The following SCN8A variants were observed in gnomAD, a reference collection of about 807,000 sequenced individuals.
SCN8A encodes sodium voltage-gated channel alpha subunit 8.
In SCN8A, 30 loss-of-function variants were observed where a neutral mutation model predicts 184.1. The ratio of observed to expected loss-of-function variants is 0.16; its 90% confidence interval spans 0.12 to 0.22. The LOEUF is 0.22. SCN8A is among the 10% of genes least tolerant of loss of function. The pLI, the probability that SCN8A is intolerant of heterozygous loss-of-function variation, is 1.00. For synonymous variants in SCN8A, 852 were observed against 907.0 expected (o/e 0.94, Z 1.09); for missense variants, 1,057 against 2,498.9 (o/e 0.42, Z 12.30).
intron 2 of SCN8A, among the ~76,000 whole-genome samples, chr12:51,679,100 A>T (rs1941279734): frequency 6.6e-6 from 1 of 150,856 alleles, no homozygotes; most frequent in African/African-American, 2.4e-5. Context: ...AAATAAAAAA[A>T]AATAAAGCTA....
intron 1 of SCN8A, among the ~76,000 whole-genome samples, chr12:51,608,709 G>T (rs998534446): frequency 6.6e-6 from 1 of 151,862 alleles, no homozygotes; most frequent in East Asian, 1.9e-4. Context: ...TTTCATTTTT[G>T]TATTTTTTTT....
chr12:51,642,924 A>G (rs1221218792), intron 1 of SCN8A, among the ~76,000 whole-genome samples: 1 of 152,030 alleles, frequency 6.6e-6, no homozygotes, highest in Non-Finnish European at 1.5e-5. Context: ...TCAGCAAATG[A>G]AGAGCAAAAA....
intron 5 of SCN8A, 93 bp downstream of exon 5, chr12:51,687,312 C>A: frequency 7.0e-7 from 1 of 1,425,950 alleles, no homozygotes; most frequent in Non-Finnish European, 9.7e-7. Context: ...CATTTGTGGA[C>A]ACAGCTGTAT....
intron 19 of SCN8A, among the ~76,000 whole-genome samples, chr12:51,773,384 G>A (rs1942959474): frequency 6.6e-6 from 1 of 152,200 alleles, no homozygotes; most frequent in Admixed American, 6.5e-5. Context: ...ATTCATGAAT[G>A]CCAAAGAAAT....
At chr12:51,800,368 A>G (rs1938522642) in intron 26 of SCN8A, among the ~76,000 whole-genome samples, 1 of 152,260 alleles carries the variant, frequency 6.6e-6, no homozygotes, top group Non-Finnish European at 1.5e-5. Context: ...ACTTCTGCAC[A>G]GGCCAAATAG....
In SCN8A at chr12:51,632,262, A is replaced by G. The variant is rs144918372; in HGVS notation, c.-54-30502A>G. On this transcript the variant is annotated intron_variant, in intron 1 of 26. Transcript: ENST00000627620. The stretch of plus-strand genomic sequence containing the variant: ...TACTCATTACATTATGCTTGGGTAT[A>G]TTAATCTTTTTAAAAGCACAAATGA... Among the ~76,000 whole-genome samples the G allele has an allele frequency of 9.2e-5, 14 of 152,318 alleles. No homozygotes were observed. The East Asian group carries it at 2.7e-3, about 29-fold the overall frequency.
At position 51,738,097 on chromosome 12, in the gene SCN8A, C is replaced by A. The variant is rs1416301997; in HGVS notation, c.1999-7806C>A. 2.6e-5 allele frequency among the ~76,000 whole-genome samples: 4 copies of A among 152,166 alleles called. No homozygotes were observed. In the South Asian group the frequency reaches 8.3e-4, roughly 32 times the overall value. ...CCGCCATCAAAAATGATTTCCTAAT[C>A]TTTGGTGGGAACTTTGTTTTTCCAC... On this transcript the variant is annotated intron_variant, in intron 12 of 26. Coordinates refer to ENST00000627620, the MANE Select transcript of SCN8A (RefSeq NM_001330260.2).
chr12:51,708,687 A>G (rs1170565168), intron 11 of SCN8A, among the ~76,000 whole-genome samples: 2 of 151,826 alleles, frequency 1.3e-5, no homozygotes, highest in Non-Finnish European at 2.9e-5. Flanking sequence ...CCTTAACCTT[A>G]TCTTAGTTTT....
At chr12:51,621,355 C>T (rs549638132) in intron 1 of SCN8A, among the ~76,000 whole-genome samples, 3 of 152,262 alleles carry the variant, frequency 2.0e-5, no homozygotes, top group African/African-American at 7.2e-5. Flanking sequence ...TCAGAGTTTA[C>T]GTGGTCAATG....
chr12:51,725,365 G>A (rs1942140931), intron 12 of SCN8A, among the ~76,000 whole-genome samples: 1 of 152,160 alleles, frequency 6.6e-6, no homozygotes, highest in Admixed American at 6.5e-5. Context: ...CCAGCCAATA[G>A]TTAACAATAG....
intron 5 of SCN8A, 179 bp from the exon 6 acceptor site, chr12:51,688,826 T>G: frequency 6.2e-7 from 1 of 1,613,858 alleles, no homozygotes. Flanking sequence ...CTGAGGGCTT[T>G]GAAAACTATT....
chr12:51,698,869 C>G (rs1198689061), intron 6 of SCN8A, among the ~76,000 whole-genome samples: 1 of 152,198 alleles, frequency 6.6e-6, no homozygotes, highest in East Asian at 1.9e-4. Context: ...ATTGTACCTT[C>G]TCATTTATTA....
intron 1 of SCN8A, among the ~76,000 whole-genome samples, chr12:51,643,633 C>A (rs1940502678): frequency 6.6e-6 from 1 of 152,220 alleles, no homozygotes; most frequent in African/African-American, 2.4e-5. Flanking sequence ...CATCCTTATA[C>A]TCTGCAGGAG....
At chr12:51,794,113 T>C (rs752763008) in intron 25 of SCN8A, among the ~76,000 whole-genome samples, 2 of 152,146 alleles carry the variant, frequency 1.3e-5, no homozygotes, top group Non-Finnish European at 2.9e-5. Context: ...ACCACTGCAC[T>C]CCAGCCTGGG....
intron 1 of SCN8A, among the ~76,000 whole-genome samples, chr12:51,641,966 A>G (rs1003111728): frequency 2.0e-5 from 3 of 152,238 alleles, no homozygotes; most frequent in Non-Finnish European, 4.4e-5. Flanking sequence ...ACTGTTGAAA[A>G]GAAGATGCAT....
At chr12:51,633,234 T>G (rs151041531) in intron 1 of SCN8A, among the ~76,000 whole-genome samples, 1 of 152,220 alleles carries the variant, frequency 6.6e-6, no homozygotes, top group South Asian at 2.1e-4. Context: ...CTGGTATGTG[T>G]GTGCATACTC....
chr12:51,705,051 T>C (rs747957725), intron 9 of SCN8A, among the ~76,000 whole-genome samples: 8 of 152,192 alleles, frequency 5.3e-5, no homozygotes, highest in Non-Finnish European at 8.8e-5. Flanking sequence ...ATTTGTCTGT[T>C]AATGCTGTTT....
chr12:51,734,692 T>G (rs1942296074), intron 12 of SCN8A, among the ~76,000 whole-genome samples: 1 of 152,210 alleles, frequency 6.6e-6, no homozygotes, highest in African/African-American at 2.4e-5. Context: ...GGCCAGATTT[T>G]GGGGGGCTTG....
At chr12:51,701,901 G>A (rs1047723968) in intron 8 of SCN8A, among the ~76,000 whole-genome samples, 15 of 152,078 alleles carry the variant, frequency 9.9e-5, no homozygotes, top group African/African-American at 3.6e-4. Context: ...TTCTGTATTA[G>A]ACTACTAGAG....
Sources: gnomAD v4.1 joint callset for allele counts (sites outside exome capture counted in the v4.1 genomes callset) on GRCh38, gnomAD v4.1.1 for gene constraint, MANE v1.5 for transcripts, NCBI Gene and HGNC (gene_info 2026-07-23, HGNC 2026-07-21) for gene names.